The following RPS6KC1 variants were observed in gnomAD, a reference collection of about 807,000 sequenced individuals.
RPS6KC1 encodes the protein ribosomal protein S6 kinase C1.
RPS6KC1 carries 54 observed loss-of-function variants against 103.8 expected under a neutral mutation model. That is an observed-to-expected ratio of 0.52 (90% CI 0.42 to 0.65). RPS6KC1 has a LOEUF of 0.65. Among genes scored for constraint, RPS6KC1 ranks in the 30% least tolerant of loss-of-function variants. The pLI is 0.00. For synonymous variants in RPS6KC1, 439 were observed against 438.7 expected (o/e 1.00, Z -0.01); for missense variants, 1,151 against 1,253.8 (o/e 0.92, Z 1.24).
intron 8 of RPS6KC1, among the ~76,000 whole-genome samples, chr1:213,180,170 A>C (rs2092175934): frequency 6.6e-6 from 1 of 152,150 alleles, no homozygotes; most frequent in African/African-American, 2.4e-5. Context: ...ATTAAAAAAA[A>C]ATGTGTAGTC....
chr1:213,553,025 A>T, the RPS6KC1 span, among the ~76,000 whole-genome samples: 1 of 150,596 alleles, frequency 6.6e-6, no homozygotes, highest in Non-Finnish European at 1.5e-5. Flanking sequence ...CTTTTATTTT[A>T]GGTTCAAGGG....
chr1:213,140,817 G>A (rs968177221), intron 6 of RPS6KC1, among the ~76,000 whole-genome samples: 1 of 150,952 alleles, frequency 6.6e-6, no homozygotes, highest in African/African-American at 2.4e-5. Flanking sequence ...GAATTATGCA[G>A]GCCTCATAGA....
At chr1:213,533,574 G>C in the RPS6KC1 span, among the ~76,000 whole-genome samples, 1 of 152,160 alleles carries the variant, frequency 6.6e-6, no homozygotes, top group African/African-American at 2.4e-5. Flanking sequence ...AACTCTCCCA[G>C]GCCTGAGCTT....
At chr1:213,627,122 T>C in the RPS6KC1 span, among the ~76,000 whole-genome samples, 2 of 152,224 alleles carry the variant, frequency 1.3e-5, no homozygotes, top group African/African-American at 2.4e-5. Flanking sequence ...TTTGTGGTTC[T>C]CCTTGAAGAG....
At chr1:213,381,619 G>A in the RPS6KC1 span, among the ~76,000 whole-genome samples, 1 of 151,988 alleles carries the variant, frequency 6.6e-6, no homozygotes, top group African/African-American at 2.4e-5. Flanking sequence ...AGTGTGCTGC[G>A]AAGTGCCAAC....
the RPS6KC1 span, among the ~76,000 whole-genome samples, chr1:213,304,137 C>T: frequency 7.3e-6 from 1 of 137,476 alleles, no homozygotes; most frequent in South Asian, 2.5e-4. Context: ...ACCCGGGAGG[C>T]GGAGCTTGCA....
intron 6 of RPS6KC1, among the ~76,000 whole-genome samples, chr1:213,142,193 A>T (rs60445877): frequency 6.6e-6 from 1 of 151,950 alleles, no homozygotes; most frequent in Non-Finnish European, 1.5e-5. Context: ...GAGAATGGGA[A>T]CCCTGCTCTT....
chr1:213,596,362 A>G, the RPS6KC1 span, among the ~76,000 whole-genome samples: 1 of 152,170 alleles, frequency 6.6e-6, no homozygotes, highest in African/African-American at 2.4e-5. Context: ...AATCCAGTAA[A>G]AGGTGGTTGT....
At chr1:213,352,718 T>C in the RPS6KC1 span, among the ~76,000 whole-genome samples, 5 of 152,186 alleles carry the variant, frequency 3.3e-5, no homozygotes, top group Admixed American at 2.0e-4. Context: ...TGTTTGACTA[T>C]AGGGTCTCCC....
At chr1:213,463,132 C>T in the RPS6KC1 span, among the ~76,000 whole-genome samples, 1 of 152,208 alleles carries the variant, frequency 6.6e-6, no homozygotes, top group African/African-American at 2.4e-5. Context: ...TCTTGTTATA[C>T]ATTCAAACAA....
At chr1:213,422,136 C>T in the RPS6KC1 span, among the ~76,000 whole-genome samples, 21 of 152,260 alleles carry the variant, frequency 1.4e-4, no homozygotes, top group African/African-American at 5.1e-4. Context: ...TTCATCTTCA[C>T]GAATGGAAAC....
the RPS6KC1 span, among the ~76,000 whole-genome samples, chr1:213,434,109 CAA>C: frequency 2.2e-5 from 3 of 133,412 alleles, no homozygotes; most frequent in Admixed American, 7.6e-5. Context: ...TGCAGATAAG[CAA>C]AAAAAAAAAG....
chr1:213,406,478 A>G, the RPS6KC1 span, among the ~76,000 whole-genome samples: 1 of 152,036 alleles, frequency 6.6e-6, no homozygotes, highest in African/African-American at 2.4e-5. Context: ...TGGCCACCAG[A>G]CTTTCCCTGG....
At chr1:213,453,744 AAGGACTG>A in the RPS6KC1 span, among the ~76,000 whole-genome samples, 3 of 152,196 alleles carry the variant, frequency 2.0e-5, no homozygotes, top group Admixed American at 2.0e-4. Flanking sequence ...TAAGTAACTG[AAGGACTG>A]AGAATGGGAA....
chr1:213,509,448 C>G, the RPS6KC1 span, among the ~76,000 whole-genome samples: 1 of 151,876 alleles, frequency 6.6e-6, no homozygotes, highest in African/African-American at 2.4e-5. Context: ...AGTAAATGGT[C>G]GTTCAATTTT....
the RPS6KC1 span, among the ~76,000 whole-genome samples, chr1:213,344,597 G>A: frequency 6.6e-6 from 1 of 151,902 alleles, no homozygotes; most frequent in East Asian, 1.9e-4. Context: ...GCAGTGGCAC[G>A]ATCTCAGGCT....
the RPS6KC1 span, among the ~76,000 whole-genome samples, chr1:213,817,248 C>T: frequency 1.3e-5 from 2 of 152,210 alleles, no homozygotes; most frequent in Admixed American, 1.3e-4. Context: ...CGGCTCCCCT[C>T]CTCCCAGGTC....
intron 3 of RPS6KC1, among the ~76,000 whole-genome samples, chr1:213,093,776 A>G (rs144982208): frequency 7.6e-4 from 115 of 152,284 alleles, no homozygotes; most frequent in African/African-American, 2.6e-3. Flanking sequence ...TCTAACAATT[A>G]TATCTGTATA....
chr1:213,664,094 A>G, the RPS6KC1 span, among the ~76,000 whole-genome samples: 1 of 149,540 alleles, frequency 6.7e-6, no homozygotes, highest in Middle Eastern at 3.2e-3. Flanking sequence ...TCTGGCCTGC[A>G]CCCAGCTCCC....
Sources: allele counts gnomAD v4.1 joint callset (sites outside exome capture counted in the v4.1 genomes callset), GRCh38; gene constraint gnomAD v4.1.1; transcripts MANE v1.5; gene names NCBI Gene and HGNC (gene_info 2026-07-23, HGNC 2026-07-21).